The following FER1L6 variants were observed in gnomAD, a reference collection of about 807,000 sequenced individuals.
FER1L6 encodes fer-1-like protein 6.
A neutral mutation model predicts 219.2 loss-of-function variants in FER1L6; 177 were observed. The ratio of observed to expected loss-of-function variants is 0.81; its 90% confidence interval spans 0.71 to 0.91. The LOEUF is 0.91. Among genes scored for constraint, FER1L6 ranks in the 40% least tolerant of loss-of-function variants. FER1L6 has a pLI of 0.00. For missense variants in FER1L6, 2,153 were observed against 2,259.9 expected, an observed-to-expected ratio of 0.95 and a Z score of 0.96; for synonymous variants, 768 against 824.3, an observed-to-expected ratio of 0.93 and a Z score of 1.17.
At chr8:124,009,508 C>A (rs1400564355) in intron 13 of FER1L6, among the ~76,000 whole-genome samples, 1 of 151,736 alleles carries the variant, frequency 6.6e-6, no homozygotes, top group Non-Finnish European at 1.5e-5. Context: ...GCCGGTGCTG[C>A]TATTCTAGCT....
intron 3 of FER1L6, among the ~76,000 whole-genome samples, chr8:123,963,836 A>G (rs1314177733): frequency 6.6e-6 from 1 of 152,262 alleles, no homozygotes; most frequent in East Asian, 1.9e-4. Context: ...TCAGTTAGCA[A>G]TGATGTGTAA....
At chr8:123,952,114 GA>G (rs879266764) in intron 1 of FER1L6, among the ~76,000 whole-genome samples, 390 of 152,200 alleles carry the variant, frequency 2.6e-3, no homozygotes, top group Non-Finnish European at 4.1e-3. Flanking sequence ...AGTTCAGCAT[GA>G]GGGATCAATA....
chr8:123,977,027 A>G (rs1345146690), intron 9 of FER1L6, among the ~76,000 whole-genome samples: 3 of 152,256 alleles, frequency 2.0e-5, no homozygotes, highest in Non-Finnish European at 4.4e-5. Context: ...TGGAGATCAT[A>G]TAAGACATCA....
At chr8:124,009,109 A>G (rs1817797329) in intron 13 of FER1L6, among the ~76,000 whole-genome samples, 1 of 152,194 alleles carries the variant, frequency 6.6e-6, no homozygotes, top group Non-Finnish European at 1.5e-5. Flanking sequence ...TACAACCACT[A>G]TGGAATACAT....
Position 124,022,088 on chromosome 8 carries a change from G to A in FER1L6, c.2133+419G>A, listed in dbSNP as rs571564937. Among the ~76,000 whole-genome samples, 17 of 152,316 alleles carry A rather than the reference G, an allele frequency of 1.1e-4. No homozygotes were observed. In the East Asian group the frequency reaches 1.5e-3, roughly 14 times the overall value. Reference sequence around the variant, plus strand: ...AAAAACGGCCCTCATATTTGCATCTGTCAGATACTGACACTCGTTCTTGAA... The same window carrying A: ...AAAAACGGCCCTCATATTTGCATCTATCAGATACTGACACTCGTTCTTGAA... On this transcript the variant is annotated intron_variant, in intron 17 of 40. Transcript: ENST00000522917.
chr8:124,010,611 C>T lies in FER1L6; in HGVS notation c.1718C>T (p.Pro573Leu), dbSNP rs1817877712. Residue 573 changes from proline (P) to leucine (L), a missense_variant, in exon 14 of 41, where the codon CCA becomes CTA. Coordinates refer to ENST00000522917, the MANE Select transcript of FER1L6 (RefSeq NM_001039112.2). ...TTTCACAGGAATTACAACTATTTGC[C>T]ATTTGAGGCTAAGAAGCCCTGTGTC... The part of the protein sequence containing the change: ...TEGNRNYNYL[P>L]FEAKKPCVYF... 1 of 1,613,742 alleles carries T rather than the reference C, an allele frequency of 6.2e-7. No individual in the cohort carries two copies. Among genetic ancestry groups the T allele is most frequent in the Non-Finnish European group, 8.5e-7 (1 of 1,179,930 alleles).
chr8:123,956,150 A>G (rs911189617), intron 2 of FER1L6, 76 bp downstream of exon 2: 14 of 1,312,174 alleles, frequency 1.1e-5, no homozygotes, highest in Non-Finnish European at 1.4e-5. Flanking sequence ...CTGAAAATGC[A>G]GTTCTCTCTC....
At chr8:123,966,571 A>G (rs567692516) in intron 5 of FER1L6, among the ~76,000 whole-genome samples, 22 of 152,340 alleles carry the variant, frequency 1.4e-4, no homozygotes, top group African/African-American at 5.3e-4. Flanking sequence ...TTCATCCATT[A>G]TAAGCCCTGG....
chr8:123,929,118 C>T (rs1015793919), intron 1 of FER1L6, among the ~76,000 whole-genome samples: 2 of 152,136 alleles, frequency 1.3e-5, no homozygotes, highest in Non-Finnish European at 2.9e-5. Context: ...CGGTTCTTGG[C>T]TTGAGAGGTG....
chr8:123,908,540 C>T (rs1812997467), intron 1 of FER1L6, among the ~76,000 whole-genome samples: 1 of 152,222 alleles, frequency 6.6e-6, no homozygotes, highest in South Asian at 2.1e-4. Context: ...AATATTATCA[C>T]AGATGAGTTG....
intron 39 of FER1L6, among the ~76,000 whole-genome samples, chr8:124,116,121 T>C (rs113071685): frequency 1.4e-4 from 22 of 152,370 alleles, no homozygotes; most frequent in African/African-American, 5.0e-4. Context: ...AGCAGAGGAA[T>C]GGAGTTTGGC....
At chr8:123,881,098 T>C (rs1817101279) in intron 1 of FER1L6, among the ~76,000 whole-genome samples, 1 of 152,242 alleles carries the variant, frequency 6.6e-6, no homozygotes, top group African/African-American at 2.4e-5. Context: ...AGTTATCTTT[T>C]GCTTATTTAC....
intron 1 of FER1L6, among the ~76,000 whole-genome samples, chr8:123,928,827 G>A (rs1175753116): frequency 6.6e-6 from 1 of 152,120 alleles, no homozygotes; most frequent in Non-Finnish European, 1.5e-5. Flanking sequence ...AGTAGAATAG[G>A]GTTATTTGCC....
At chr8:123,937,549 T>C (rs921290195) in intron 1 of FER1L6, among the ~76,000 whole-genome samples, 4 of 152,142 alleles carry the variant, frequency 2.6e-5, no homozygotes, top group Admixed American at 2.6e-4. Flanking sequence ...GATACTCACG[T>C]TGGAAAGAAG....
Position 123,858,511 on chromosome 8 carries a change from C to T in FER1L6, c.-8+6326C>T, listed in dbSNP as rs540335163. Among the ~76,000 whole-genome samples, 3 of 152,204 alleles carry T rather than the reference C, an allele frequency of 2.0e-5. No individual in the cohort carries two copies. The East Asian group carries it at 5.8e-4, about 29-fold the overall frequency. On this transcript the variant is annotated intron_variant, in intron 1 of 40. Transcript: ENST00000522917. ...AGTCACTAGTGGAATGAGGTTGGGT[C>T]CTGGATTGATGGGGACTGTGCCATC... is the stretch of plus-strand genomic sequence containing the variant.
intron 34 of FER1L6, among the ~76,000 whole-genome samples, chr8:124,093,855 T>A (rs991826151): frequency 6.6e-6 from 1 of 152,076 alleles, no homozygotes; most frequent in Admixed American, 6.5e-5. Flanking sequence ...ATGGGATAAA[T>A]AAAACATTTT....
At chr8:124,056,842 C>T (rs1369549492) in intron 22 of FER1L6, among the ~76,000 whole-genome samples, 6 of 152,100 alleles carry the variant, frequency 3.9e-5, no homozygotes, top group Admixed American at 6.5e-5. Context: ...GTCGGAAGTT[C>T]GAGACCAGAC....
chr8:123,956,202 T>G, intron 2 of FER1L6, 128 bp downstream of exon 2: 1 of 841,918 alleles, frequency 1.2e-6, no homozygotes, highest in South Asian at 1.6e-5. Context: ...CCCCCGACCC[T>G]TTAGGTCCTT....
intron 31 of FER1L6, among the ~76,000 whole-genome samples, chr8:124,075,129 T>A (rs539606796): frequency 6.6e-6 from 1 of 152,322 alleles, no homozygotes; most frequent in South Asian, 2.1e-4. Context: ...TTTTCCTTAT[T>A]CAATAATAAA....
Sources: allele counts gnomAD v4.1 joint callset (sites outside exome capture counted in the v4.1 genomes callset), GRCh38; gene constraint gnomAD v4.1.1; transcripts MANE v1.5; gene names NCBI Gene and HGNC (gene_info 2026-07-23, HGNC 2026-07-21).